SEMA3A: variants seen among roughly 807,000 people sequenced by gnomAD.
SEMA3A encodes the protein semaphorin 3A.
In SEMA3A, 29 loss-of-function variants were observed where a neutral mutation model predicts 97.9. The ratio of observed to expected loss-of-function variants is 0.30; its 90% confidence interval spans 0.22 to 0.40. The LOEUF (loss-of-function observed/expected upper bound fraction) is 0.40. SEMA3A is among the 10% of genes least tolerant of loss of function. The pLI is 1.00. For synonymous variants in SEMA3A, 321 were observed against 323.7 expected (o/e 0.99, Z 0.09); for missense variants, 763 against 951.3 (o/e 0.80, Z 2.60).
intron 2 of SEMA3A, among the ~76,000 whole-genome samples, chr7:84,335,021 T>C (rs766959324): frequency 2.6e-5 from 4 of 152,200 alleles, no homozygotes; most frequent in South Asian, 2.1e-4. Flanking sequence ...ACATGCTGTA[T>C]ATATTTTCTA....
intron 6 of SEMA3A, among the ~76,000 whole-genome samples, chr7:84,021,519 G>A (rs1791329184): frequency 1.3e-5 from 2 of 151,832 alleles, no homozygotes; most frequent in South Asian, 2.1e-4. Flanking sequence ...CCCTGCCTCC[G>A]GCCTTACCAT....
intron 3 of SEMA3A, among the ~76,000 whole-genome samples, chr7:84,267,746 C>A (rs1009268802): frequency 1.3e-5 from 2 of 152,056 alleles, no homozygotes; most frequent in African/African-American, 4.8e-5. Context: ...AAATCACCAA[C>A]CATTCTTTAA....
At position 84,016,262 on chromosome 7, in the gene SEMA3A, G is replaced by A. The variant is rs188561881; in HGVS notation, c.668-1911C>T. On this transcript the variant is annotated intron_variant, in intron 6 of 16. Transcript: ENST00000265362. Reference sequence around the variant, plus strand: ...GCACATATGTAACAGAAACCTGGCCGGGCACGGTGGCTCACGCCTGTAATC... The same window carrying A: ...GCACATATGTAACAGAAACCTGGCCAGGCACGGTGGCTCACGCCTGTAATC... Among the ~76,000 whole-genome samples the A allele has an allele frequency of 2.6e-3, 389 of 152,160 alleles. 3 individuals are homozygous for A. The highest frequency in any genetic ancestry group is 0.015 in the Admixed American group (231 of 15,282).
At chr7:83,998,955 T>C (rs1264262078) in intron 12 of SEMA3A, among the ~76,000 whole-genome samples, 9 of 152,124 alleles carry the variant, frequency 5.9e-5, no homozygotes, top group African/African-American at 2.2e-4. Flanking sequence ...CTCTATATTA[T>C]AGGAGATAAC....
At chr7:83,996,074 C>A (rs1177492271) in intron 12 of SEMA3A, among the ~76,000 whole-genome samples, 1 of 152,142 alleles carries the variant, frequency 6.6e-6, no homozygotes, top group African/African-American at 2.4e-5. Flanking sequence ...GTCCTAAGAG[C>A]ACTGCAACTT....
chr7:84,229,064 A>C (rs1799057447), intron 3 of SEMA3A, among the ~76,000 whole-genome samples: 1 of 151,766 alleles, frequency 6.6e-6, no homozygotes, highest in Admixed American at 6.6e-5. Flanking sequence ...GTTTTTTGTC[A>C]CTTGTAACTA....
At chr7:84,410,281 T>C (rs1346253476) in intron 1 of SEMA3A, among the ~76,000 whole-genome samples, 1 of 152,120 alleles carries the variant, frequency 6.6e-6, no homozygotes, top group Non-Finnish European at 1.5e-5. Context: ...ATACACAATA[T>C]ATTTTTCATT....
At chr7:84,222,027 C>T in intron 3 of SEMA3A, among the ~76,000 whole-genome samples, 1 of 151,916 alleles carries the variant, frequency 6.6e-6, no homozygotes, top group East Asian at 1.9e-4. Context: ...AATCCTCTGT[C>T]ATATGGTTCT....
At chr7:84,181,341 AC>A (rs1289454769) in intron 1 of SEMA3A, among the ~76,000 whole-genome samples, 1 of 139,184 alleles carries the variant, frequency 7.2e-6, no homozygotes, top group Admixed American at 7.1e-5. Flanking sequence ...TATATATATA[AC>A]ACACATATAC....
intron 2 of SEMA3A, among the ~76,000 whole-genome samples, chr7:84,330,859 T>C (rs929305903): frequency 1.3e-5 from 2 of 152,114 alleles, no homozygotes; most frequent in Admixed American, 6.6e-5. Context: ...TCAAAGAGGA[T>C]GAAAAGTATA....
At chr7:84,157,542 A>G (rs906858036) in intron 1 of SEMA3A, among the ~76,000 whole-genome samples, 6 of 152,190 alleles carry the variant, frequency 3.9e-5, no homozygotes, top group Non-Finnish European at 7.4e-5. Context: ...TTGTGTTCTT[A>G]TCTACTTTGT....
intron 1 of SEMA3A, among the ~76,000 whole-genome samples, chr7:84,404,984 A>C (rs1035329286): frequency 2.6e-5 from 4 of 152,232 alleles, no homozygotes; most frequent in African/African-American, 9.6e-5. Context: ...AAACTGTATC[A>C]ACTAACGAGC....
chr7:84,424,576 A>ATATATATTATATATAATATATAAATATT (rs1804710160), intron 1 of SEMA3A, among the ~76,000 whole-genome samples: 1 of 73,584 alleles, frequency 1.4e-5, no homozygotes, highest in Non-Finnish European at 2.0e-5. Flanking sequence ...ATAAATATTA[A>ATATATATTATATATAATATATAAATATT]TATATATTAT....
chr7:84,162,955 G>C (rs893596986), intron 1 of SEMA3A, among the ~76,000 whole-genome samples: 9 of 152,260 alleles, frequency 5.9e-5, no homozygotes, highest in African/African-American at 2.2e-4. Context: ...ACTACATGGA[G>C]GTTAGGATCT....
intron 4 of SEMA3A, among the ~76,000 whole-genome samples, chr7:84,067,238 G>T (rs1583909571): frequency 6.6e-6 from 1 of 152,010 alleles, no homozygotes; most frequent in Non-Finnish European, 1.5e-5. Context: ...GCTGAAACTG[G>T]ATCCCTTCCT....
At chr7:84,046,646 C>T (rs571195040) in intron 5 of SEMA3A, among the ~76,000 whole-genome samples, 3 of 150,950 alleles carry the variant, frequency 2.0e-5, no homozygotes, top group Admixed American at 6.6e-5. Flanking sequence ...TTATCAAATA[C>T]TTATTCACTG....
At chr7:84,341,180 A>C (rs1271569644) in intron 2 of SEMA3A, among the ~76,000 whole-genome samples, 1 of 152,206 alleles carries the variant, frequency 6.6e-6, no homozygotes, top group East Asian at 1.9e-4. Flanking sequence ...ATTTGCCACA[A>C]CATCAACCAT....
rs1306889708 is a variant in SEMA3A, at chr7:83,960,823, TG to T, written c.*547del. On this transcript the variant is annotated 3_prime_UTR_variant, in exon 17 of 17. Transcript: ENST00000265362. Reference sequence around the variant, plus strand: ...TTTCTTCTGGATGATGGATGGCTTATGTTTTTTTTTTTTTTTAATATTTCCA... The same window carrying T: ...TTTCTTCTGGATGATGGATGGCTTATTTTTTTTTTTTTTTTAATATTTCCA... The T allele has an allele frequency of 4.7e-5, 5 of 105,586 alleles. No homozygotes were observed. The highest frequency in any genetic ancestry group is 6.6e-5 in the Non-Finnish European group (3 of 45,786). The allele number at this position is 105,586 out of a possible 1,614,324, so 6.5% of individuals were successfully genotyped here.
intron 1 of SEMA3A, among the ~76,000 whole-genome samples, chr7:84,398,229 A>C (rs981633944): frequency 6.6e-6 from 1 of 152,162 alleles, no homozygotes; most frequent in Non-Finnish European, 1.5e-5. Flanking sequence ...TCCACCTCTC[A>C]TTATTGAAAC....
Sources: allele counts gnomAD v4.1 joint callset (sites outside exome capture counted in the v4.1 genomes callset), GRCh38; gene constraint gnomAD v4.1.1; transcripts MANE v1.5; gene names NCBI Gene and HGNC (gene_info 2026-07-23, HGNC 2026-07-21).